The following AGPAT4 variants were observed in gnomAD, a reference collection of about 807,000 sequenced individuals.
AGPAT4 encodes the protein 1-acyl-sn-glycerol-3-phosphate acyltransferase delta.
In AGPAT4, 15 loss-of-function variants were observed where a neutral mutation model predicts 48.0. That is an observed-to-expected ratio of 0.31 (90% confidence interval 0.21 to 0.48). The LOEUF (loss-of-function observed/expected upper bound fraction) is 0.48, where lower values mean the gene tolerates loss of function less well. Ranked by LOEUF, AGPAT4 falls within the 20% of genes least tolerant of loss-of-function variation. AGPAT4 has a pLI of 0.99. For synonymous variants in AGPAT4, 178 were observed against 198.7 expected (o/e 0.90, Z 0.88); for missense variants, 314 against 482.5 (o/e 0.65, Z 3.27).
At position 161,195,357 on chromosome 6, in the gene AGPAT4, A is replaced by G. The variant is rs906915860; in HGVS notation, c.179-28940T>C. 1.1e-4 allele frequency among the ~76,000 whole-genome samples: 17 copies of G among 152,220 alleles called. No homozygotes were observed. The highest frequency in any genetic ancestry group is 1.9e-4 in the African/African-American group (8 of 41,462). Reference sequence around the variant, plus strand: ...ATTATTCAGAGAAGACAAGCACTGCAGGACAACCATTGGGCGGGTTATAAA... The same window carrying G: ...ATTATTCAGAGAAGACAAGCACTGCGGGACAACCATTGGGCGGGTTATAAA... On this transcript the variant is annotated intron_variant, in intron 2 of 8. Transcript: ENST00000320285. This position sits in a 1 kb window ranked among gnomAD's most constrained non-coding sequence, Gnocchi z 5.0.
At position 161,270,500 on chromosome 6, in the gene AGPAT4, G is replaced by A. The variant is rs1776900249; in HGVS notation, c.-90+3438C>T. Among the ~76,000 whole-genome samples the A allele has an allele frequency of 6.6e-6, 1 of 152,222 alleles. No individual in the cohort carries two copies. The highest frequency in any genetic ancestry group is 2.4e-5 in the African/African-American group (1 of 41,456). On this transcript the variant is annotated intron_variant, in intron 1 of 8. Coordinates refer to ENST00000320285, the MANE Select transcript of AGPAT4 (RefSeq NM_020133.3). The surrounding 1 kb of genome is among the most constrained non-coding windows in gnomAD (Gnocchi z 5.3). Reference sequence around the variant, plus strand: ...AATGTGAATGTGGGCCAGGCACGGTGGCTCACGCCTGTAATCCCAGCATTC... The same window carrying A: ...AATGTGAATGTGGGCCAGGCACGGTAGCTCACGCCTGTAATCCCAGCATTC...
At chr6:161,168,132 T>G (rs4299804) in intron 2 of AGPAT4, among the ~76,000 whole-genome samples, 4,156 of 122,630 alleles carry the variant, frequency 0.034, 187 homozygotes, top group African/African-American at 0.13. Context: ...GGTGGTGGGG[T>G]GGGGGGCTAG....
At position 161,143,033 on chromosome 6, in the gene AGPAT4, G is replaced by A. The variant is rs1406616048; in HGVS notation, c.844-3413C>T. On this transcript the variant is annotated intron_variant, in intron 7 of 8. Coordinates refer to ENST00000320285, the MANE Select transcript of AGPAT4 (RefSeq NM_020133.3). The surrounding 1 kb of genome is among the most constrained non-coding windows in gnomAD (Gnocchi z 4.7). ...CTGCACCCCACCCAGAGCTGCTCCCGACCTTGGCCTCCACAGGACGGCTCT... is the reference window on the plus strand; with the variant it reads ...CTGCACCCCACCCAGAGCTGCTCCCAACCTTGGCCTCCACAGGACGGCTCT... Among the ~76,000 whole-genome samples the A allele has an allele frequency of 1.3e-5, 2 of 152,288 alleles. No homozygotes were observed. The highest frequency in any genetic ancestry group is 2.4e-5 in the African/African-American group (1 of 41,562).
At position 161,226,698 on chromosome 6, in the gene AGPAT4, G is replaced by A. The variant is rs1267502243; in HGVS notation, c.178+5338C>T. Among the ~76,000 whole-genome samples the A allele has an allele frequency of 1.3e-5, 2 of 152,222 alleles. No individual in the cohort carries two copies. Among genetic ancestry groups the A allele is most frequent in the Non-Finnish European group, 2.9e-5 (2 of 68,052 alleles). The stretch of plus-strand genomic sequence containing the variant: ...AATTTTAACACATAGAATGAAAGCA[G>A]ATGATAGCACATTGATGTGGCCAGG... On this transcript the variant is annotated intron_variant, in intron 2 of 8. Coordinates refer to ENST00000320285, the MANE Select transcript of AGPAT4 (RefSeq NM_020133.3). This position sits in a 1 kb window ranked among gnomAD's most constrained non-coding sequence, Gnocchi z 6.3.
Position 161,149,286 on chromosome 6 carries a change from G to A in AGPAT4, c.668C>T (p.Ser223Leu). ...ATTGAGTGTACAGTCATATACAGCTGAAACTATAAAAAATAAAACAAATAC... is the reference window on the plus strand; with the variant it reads ...ATTGAGTGTACAGTCATATACAGCTAAAACTATAAAAAATAAAACAAATAC... ...ITVRSLRNVV[S>L]AVYDCTLNFR... Residue 223 changes from serine (S) to leucine (L), a missense_variant, in exon 6 of 9, where the codon TCA (serine) becomes TTA (leucine). Transcript: ENST00000320285. The surrounding 1 kb of genome is among the most constrained non-coding windows in gnomAD (Gnocchi z 6.5). 1.2e-6 allele frequency: 2 copies of A among 1,606,750 alleles called. No individual in the cohort carries two copies. Among genetic ancestry groups the A allele is most frequent in the Non-Finnish European group, 1.7e-6 (2 of 1,178,680 alleles).
rs947387473 is a variant in AGPAT4 at position 161,244,174 on chromosome 6, C to T, written c.-89-11872G>A. On this transcript the variant is annotated intron_variant, in intron 1 of 8. Transcript: ENST00000320285. The surrounding 1 kb of genome is among the most constrained non-coding windows in gnomAD (Gnocchi z 4.7). ...TTCCTGATCTCAAACAGACATACAG[C>T]GAGGAGCTGACGACACAATTCTAAC... Among the ~76,000 whole-genome samples, 19 of 152,136 alleles carry T rather than the reference C, an allele frequency of 1.2e-4. 1 individual carries two copies. The highest frequency in any genetic ancestry group is 1.8e-4 in the Non-Finnish European group (12 of 68,036).
chr6:161,203,870 T>C (rs538374639), intron 2 of AGPAT4, among the ~76,000 whole-genome samples: 27 of 152,320 alleles, frequency 1.8e-4, no homozygotes, highest in African/African-American at 6.3e-4. Context: ...TGTTGGTTGG[T>C]TGGTTTTAGT....
intron 2 of AGPAT4, among the ~76,000 whole-genome samples, chr6:161,176,674 C>G (rs1583304340): frequency 6.6e-6 from 1 of 152,084 alleles, no homozygotes; most frequent in East Asian, 1.9e-4. Context: ...TGAATTTGAT[C>G]CTGTCATTAT....
chr6:161,237,925 A>C (rs1782341196), intron 1 of AGPAT4, among the ~76,000 whole-genome samples: 2 of 152,044 alleles, frequency 1.3e-5, no homozygotes, highest in South Asian at 4.1e-4. Flanking sequence ...TAACTTGAGG[A>C]GGGACCACAG....
intron 4 of AGPAT4, among the ~76,000 whole-genome samples, chr6:161,153,840 C>T (rs28564998): frequency 0.015 from 2,037 of 136,430 alleles, 64 homozygotes; most frequent in African/African-American, 0.056. Flanking sequence ...CACATAGCCC[C>T]AGGGTCACAT....
At position 161,219,860 on chromosome 6, in the gene AGPAT4, T is replaced by C. The variant is rs1781763431; in HGVS notation, c.178+12176A>G. Among the ~76,000 whole-genome samples, 2 of 118,074 alleles carry C rather than the reference T, an allele frequency of 1.7e-5. No individual in the cohort carries two copies. Among genetic ancestry groups the C allele is most frequent in the African/African-American group, 7.3e-5 (2 of 27,544 alleles). The allele number at this position is 118,074 out of a possible 152,430, so 77.5% of individuals were successfully genotyped here. ...ATAGATAGATAGATAGATAGATAGA[T>C]AGATAGATAGATAGGCAGGCAGGCA... On this transcript the variant is annotated intron_variant, in intron 2 of 8. Transcript: ENST00000320285. This position sits in a 1 kb window ranked among gnomAD's most constrained non-coding sequence, Gnocchi z 4.9.
rs1163507040 is a variant in AGPAT4, at chr6:161,243,761, A to G, written c.-89-11459T>C. Among the ~76,000 whole-genome samples, 1 of 151,558 alleles carries G rather than the reference A, an allele frequency of 6.6e-6. No homozygotes were observed. Among genetic ancestry groups the G allele is most frequent in the Non-Finnish European group, 1.5e-5 (1 of 67,872 alleles). ...CCCCCAACCATCACCAGCTTTTCTT[A>G]CTCACTTCTCCACTGTGGCTCTCAT... On this transcript the variant is annotated intron_variant, in intron 1 of 8. Coordinates refer to ENST00000320285, the MANE Select transcript of AGPAT4 (RefSeq NM_020133.3). This position sits in a 1 kb window ranked among gnomAD's most constrained non-coding sequence, Gnocchi z 4.8.
chr6:161,270,837 C>T lies in AGPAT4; in HGVS notation c.-90+3101G>A, dbSNP rs1783401557. ...TCCCATAACCATCAGACCTCCTTTC[C>T]AGAATAAAGGAGACTGCACAAAACG... On this transcript the variant is annotated intron_variant, in intron 1 of 8. Coordinates refer to ENST00000320285, the MANE Select transcript of AGPAT4 (RefSeq NM_020133.3). The surrounding 1 kb of genome is among the most constrained non-coding windows in gnomAD (Gnocchi z 5.3). Among the ~76,000 whole-genome samples the T allele has an allele frequency of 6.6e-6, 1 of 152,082 alleles. No individual in the cohort carries two copies. The highest frequency in any genetic ancestry group is 2.4e-5 in the African/African-American group (1 of 41,402).
Position 161,211,221 on chromosome 6 carries a change from C to T in AGPAT4, c.178+20815G>A, listed in dbSNP as rs150934685. 2.0e-3 allele frequency among the ~76,000 whole-genome samples: 300 copies of T among 152,216 alleles called. 1 individual carries two copies. Among genetic ancestry groups the T allele is most frequent in the African/African-American group, 6.9e-3 (287 of 41,552 alleles). On this transcript the variant is annotated intron_variant, in intron 2 of 8. Coordinates refer to ENST00000320285, the MANE Select transcript of AGPAT4 (RefSeq NM_020133.3). ...ATGTTATAGGATAAATACTTGTAGA[C>T]AAACTCATCATAATTTAGAATCTAA...
At chr6:161,268,642 C>T (rs1236736704) in intron 1 of AGPAT4, among the ~76,000 whole-genome samples, 4 of 152,144 alleles carry the variant, frequency 2.6e-5, no homozygotes, top group African/African-American at 9.7e-5. Context: ...CCCGTGCCAA[C>T]CAGAGTTATT....
Position 161,221,766 on chromosome 6 carries a change from C to T in AGPAT4, c.178+10270G>A, listed in dbSNP as rs1282128662. On this transcript the variant is annotated intron_variant, in intron 2 of 8. Coordinates refer to ENST00000320285, the MANE Select transcript of AGPAT4 (RefSeq NM_020133.3). The surrounding 1 kb of genome is among the most constrained non-coding windows in gnomAD (Gnocchi z 4.5). ...ACAGCTCTCTCCCAGCGGCTGGGAG[C>T]CAGGTGTTCCTTGGCTTGCAGGGGA... 1.3e-5 allele frequency among the ~76,000 whole-genome samples: 2 copies of T among 152,146 alleles called. No individual in the cohort carries two copies. The highest frequency in any genetic ancestry group is 3.9e-4 in the East Asian group (2 of 5,180).
intron 2 of AGPAT4, among the ~76,000 whole-genome samples, chr6:161,210,470 T>C (rs1781491973): frequency 1.3e-5 from 2 of 152,228 alleles, no homozygotes; most frequent in Admixed American, 6.5e-5. Context: ...AATATGTCTA[T>C]GTATTTATGT....
chr6:161,225,215 CT>C lies in AGPAT4; in HGVS notation c.178+6820del, dbSNP rs1360024288. Among the ~76,000 whole-genome samples, 10 of 152,204 alleles carry C rather than the reference CT, an allele frequency of 6.6e-5. No individual in the cohort carries two copies. Among genetic ancestry groups the C allele is most frequent in the African/African-American group, 2.2e-4 (9 of 41,462 alleles). On this transcript the variant is annotated intron_variant, in intron 2 of 8. Transcript: ENST00000320285. The surrounding 1 kb of genome is among the most constrained non-coding windows in gnomAD (Gnocchi z 5.0). The stretch of plus-strand genomic sequence containing the variant: ...CCCTGACTCATTCTGATTCCGTCCC[CT>C]GTCATAACCATTTTTCCCGCCAAAC...
chr6:161,167,368 G>A (rs1780132892), intron 2 of AGPAT4, among the ~76,000 whole-genome samples: 2 of 152,148 alleles, frequency 1.3e-5, no homozygotes, highest in African/African-American at 4.8e-5. Flanking sequence ...TGGGACTACA[G>A]GTGTGCACCA....
Sources: allele counts gnomAD v4.1 joint callset (sites outside exome capture counted in the v4.1 genomes callset), GRCh38; gene constraint gnomAD v4.1.1; non-coding constraint Gnocchi (gnomAD v3.1); transcripts MANE v1.5; gene names NCBI Gene and HGNC (gene_info 2026-07-23, HGNC 2026-07-21).